Variants in TP63 observed in about 807,000 individuals in gnomAD.
TP63 encodes tumor protein 63.
TP63 carries 17 observed loss-of-function variants against 82.8 expected under a neutral mutation model. That is an observed-to-expected ratio of 0.21 (90% CI 0.14 to 0.31). TP63 has a LOEUF of 0.31. Among genes scored for constraint, TP63 ranks in the 10% least tolerant of loss-of-function variants. The pLI is 1.00. For missense variants in TP63, 648 were observed against 895.3 expected, an observed-to-expected ratio of 0.72 and a Z score of 3.52; for synonymous variants, 330 against 321.7, an observed-to-expected ratio of 1.03 and a Z score of -0.28.
chr3:189,732,685 G>T (rs1720260881), intron 1 of TP63, among the ~76,000 whole-genome samples: 1 of 152,184 alleles, frequency 6.6e-6, no homozygotes, highest in Non-Finnish European at 1.5e-5. Flanking sequence ...ACTTGGCCAT[G>T]GCCTCAAAGC....
intron 1 of TP63, among the ~76,000 whole-genome samples, chr3:189,716,946 T>G (rs6444394): frequency 0.53 from 80,064 of 151,748 alleles, 21,345 homozygotes; most frequent in Middle Eastern, 0.66. Context: ...CTACAGGCGA[T>G]TGCCACCGCA....
intron 1 of TP63, among the ~76,000 whole-genome samples, chr3:189,638,997 A>T (rs536352123): frequency 1.3e-5 from 2 of 152,304 alleles, no homozygotes; most frequent in East Asian, 3.9e-4. Flanking sequence ...AAGACTTCAC[A>T]TTCTCACTTT....
At chr3:189,731,205 A>G (rs936043624) in intron 1 of TP63, among the ~76,000 whole-genome samples, 4 of 152,134 alleles carry the variant, frequency 2.6e-5, no homozygotes, top group Admixed American at 2.0e-4. Context: ...TTAGCCGAGC[A>G]CAGTGGTGCA....
At chr3:189,763,796 A>G (rs750478075) in intron 3 of TP63, among the ~76,000 whole-genome samples, 5 of 152,220 alleles carry the variant, frequency 3.3e-5, no homozygotes, top group South Asian at 4.1e-4. Context: ...ATTAATTTTT[A>G]AAAGTGTACT....
intron 4 of TP63, among the ~76,000 whole-genome samples, chr3:189,814,288 C>T (rs911114911): frequency 1.3e-5 from 2 of 152,204 alleles, no homozygotes; most frequent in African/African-American, 4.8e-5. Context: ...TACAGACAAA[C>T]TCTTCGATGG....
chr3:189,824,211 T>A (rs1474356190), intron 4 of TP63, among the ~76,000 whole-genome samples: 1 of 151,768 alleles, frequency 6.6e-6, no homozygotes, highest in Non-Finnish European at 1.5e-5. Flanking sequence ...TTATTTATTT[T>A]ATTATTATTA....
intron 1 of TP63, among the ~76,000 whole-genome samples, chr3:189,700,170 G>T (rs539555217): frequency 1.3e-5 from 2 of 152,228 alleles, no homozygotes; most frequent in South Asian, 4.2e-4. Flanking sequence ...CTTCCCAGAG[G>T]CTCCTAAAGA....
At chr3:189,812,500 C>T (rs1170103864) in intron 4 of TP63, among the ~76,000 whole-genome samples, 1 of 152,134 alleles carries the variant, frequency 6.6e-6, no homozygotes, top group East Asian at 1.9e-4. Context: ...AGTTGGGAAT[C>T]GTTAATCATA....
chr3:189,753,967 G>C (rs1053332565), intron 3 of TP63, among the ~76,000 whole-genome samples: 2 of 151,986 alleles, frequency 1.3e-5, no homozygotes, highest in Non-Finnish European at 2.9e-5. Flanking sequence ...ACCTTTATGT[G>C]ATACTCATAT....
chr3:189,722,398 A>G (rs568836006), intron 1 of TP63, among the ~76,000 whole-genome samples: 1 of 152,240 alleles, frequency 6.6e-6, no homozygotes, highest in African/African-American at 2.4e-5. Context: ...AGTTCATCTG[A>G]TAACAAGGTC....
At chr3:189,629,350 C>T (rs1348218152), upstream of TP63, among the ~76,000 whole-genome samples, 1 of 152,074 alleles carries the variant, frequency 6.6e-6, no homozygotes, top group East Asian at 1.9e-4. Flanking sequence ...CGCTGCTACA[C>T]TCAGTCTGGG....
chr3:189,773,885 G>C (rs1723561828), intron 3 of TP63, among the ~76,000 whole-genome samples: 2 of 144,190 alleles, frequency 1.4e-5, no homozygotes, highest in Admixed American at 1.4e-4. Context: ...GGAGGTAAGA[G>C]AACACATATC....
chr3:189,605,524 T>C, the TP63 span, among the ~76,000 whole-genome samples: 176 of 152,318 alleles, frequency 1.2e-3, no homozygotes, highest in African/African-American at 3.7e-3. Context: ...ATTTCCAGAA[T>C]TGTTAAAAGG....
chr3:189,729,991 A>G (rs1720044560), intron 1 of TP63, among the ~76,000 whole-genome samples: 1 of 152,196 alleles, frequency 6.6e-6, no homozygotes, highest in Admixed American at 6.5e-5. Flanking sequence ...TTTCTGAACT[A>G]AAAATGTAAA....
chr3:189,759,128 A>G (rs887353052), intron 3 of TP63, among the ~76,000 whole-genome samples: 8 of 152,216 alleles, frequency 5.3e-5, no homozygotes, highest in African/African-American at 1.7e-4. Context: ...ATGAACTCCT[A>G]TATAGTTTAA....
At chr3:189,760,005 G>A (rs185456288) in intron 3 of TP63, among the ~76,000 whole-genome samples, 54 of 152,250 alleles carry the variant, frequency 3.5e-4, no homozygotes, top group African/African-American at 1.3e-3. Context: ...GATCTTATGA[G>A]ACCCATTCAC....
intron 3 of TP63, among the ~76,000 whole-genome samples, chr3:189,745,567 C>T (rs570297250): frequency 9.9e-5 from 15 of 151,574 alleles, no homozygotes; most frequent in Admixed American, 5.9e-4. Flanking sequence ...ATTAGCTGGG[C>T]GTGATGGCGC....
chr3:189,771,363 A>G (rs548864801), intron 3 of TP63, among the ~76,000 whole-genome samples: 1 of 127,108 alleles, frequency 7.9e-6, no homozygotes, highest in Admixed American at 8.4e-5. Context: ...TTAAATATAT[A>G]ATATATTCAA....
At chr3:189,884,153 A>G (rs1720199857) in intron 10 of TP63, among the ~76,000 whole-genome samples, 1 of 152,196 alleles carries the variant, frequency 6.6e-6, no homozygotes. Context: ...AGAGAATTGA[A>G]GAAACATCAG....
Sources: gnomAD v4.1 joint callset for allele counts (sites outside exome capture counted in the v4.1 genomes callset) on GRCh38, gnomAD v4.1.1 for gene constraint, MANE v1.5 for transcripts, NCBI Gene and HGNC (gene_info 2026-07-23, HGNC 2026-07-21) for gene names.